GALNTL6: variants seen among roughly 807,000 people sequenced by gnomAD.
GALNTL6 encodes polypeptide N-acetylgalactosaminyltransferase like 6, also known as polypeptide N-acetylgalactosaminyltransferase-like 6.
Under a neutral mutation model 73.7 loss-of-function variants are expected in GALNTL6, and 46 were observed. The observed-to-expected ratio is 0.62, with a 90% CI of 0.49 to 0.80. The LOEUF is 0.80. GALNTL6 is among the 30% of genes least tolerant of loss of function. The probability of loss-of-function intolerance (pLI) is 0.00; values close to 1 mark genes in which losing one functional copy is unlikely to be tolerated. For synonymous variants in GALNTL6, 259 were observed against 263.7 expected, an observed-to-expected ratio of 0.98 and a Z score of 0.17; for missense variants, 604 against 755.0, an observed-to-expected ratio of 0.80 and a Z score of 2.34.
chr4:172,641,391 C>T (rs962011415), intron 5 of GALNTL6, among the ~76,000 whole-genome samples: 1 of 152,088 alleles, frequency 6.6e-6, no homozygotes, highest in South Asian at 2.1e-4. Context: ...TCCCTATCCC[C>T]TTAACGCTCT....
chr4:172,049,994 A>G (rs752533338), intron 2 of GALNTL6, among the ~76,000 whole-genome samples: 8 of 59,850 alleles, frequency 1.3e-4, no homozygotes, highest in Non-Finnish European at 2.7e-4. Context: ...AAAAAGAAAA[A>G]GAAGAAGGAA....
At chr4:172,453,226 A>G (rs1319179472) in intron 5 of GALNTL6, among the ~76,000 whole-genome samples, 1 of 152,130 alleles carries the variant, frequency 6.6e-6, no homozygotes, top group Non-Finnish European at 1.5e-5. Flanking sequence ...AAGATGTGCA[A>G]TGTGAAGCCA....
intron 5 of GALNTL6, among the ~76,000 whole-genome samples, chr4:172,688,050 T>C (rs889496323): frequency 5.3e-5 from 8 of 152,216 alleles, no homozygotes; most frequent in Non-Finnish European, 1.2e-4. Context: ...ATTTCCTAGA[T>C]ACCTTTTGTC....
intron 2 of GALNTL6, among the ~76,000 whole-genome samples, chr4:171,911,936 G>GA (rs1360372208): frequency 6.6e-6 from 1 of 152,102 alleles, no homozygotes; most frequent in African/African-American, 2.4e-5. Context: ...TGGAGAAAAT[G>GA]AATGTCTCCT....
chr4:172,741,672 T>C (rs994905637), intron 5 of GALNTL6, among the ~76,000 whole-genome samples: 2 of 151,854 alleles, frequency 1.3e-5, no homozygotes, highest in Non-Finnish European at 2.9e-5. Flanking sequence ...AGAATATATA[T>C]AGATATAAGA....
intron 7 of GALNTL6, among the ~76,000 whole-genome samples, chr4:172,854,535 G>A (rs887738933): frequency 2.0e-5 from 3 of 152,010 alleles, no homozygotes; most frequent in African/African-American, 4.8e-5. Context: ...ATGCTCTCCT[G>A]ACAGAGACAG....
chr4:172,764,137 T>A (rs1165345820), intron 5 of GALNTL6, among the ~76,000 whole-genome samples: 1 of 151,484 alleles, frequency 6.6e-6, no homozygotes, highest in African/African-American at 2.4e-5. Flanking sequence ...TTTGTATTTT[T>A]AGTAGAGATG....
At chr4:172,796,079 T>A (rs1201169156) in intron 5 of GALNTL6, among the ~76,000 whole-genome samples, 1 of 151,668 alleles carries the variant, frequency 6.6e-6, no homozygotes, top group East Asian at 1.9e-4. Context: ...CTTTGAGTGA[T>A]AAAACTCAGT....
chr4:172,816,479 A>G (rs913732512), intron 7 of GALNTL6, among the ~76,000 whole-genome samples: 8 of 152,150 alleles, frequency 5.3e-5, no homozygotes, highest in Non-Finnish European at 8.8e-5. Context: ...ATGTTATACT[A>G]ATGGGTAGGT....
rs75588570 is a variant in GALNTL6 at position 172,522,666 on chromosome 4, C to A, written c.553+173977C>A. On this transcript the variant is annotated intron_variant, in intron 5 of 12. Transcript: ENST00000506823. The stretch of plus-strand genomic sequence containing the variant: ...GCCTGGGTAACGAGTGAAACTCAGT[C>A]CCCCCCCCCCCCAAAAAAAAAGTGT... Among the ~76,000 whole-genome samples the A allele has an allele frequency of 5.0e-3, 59 of 11,822 alleles. 1 individual carries two copies. Among genetic ancestry groups the A allele is most frequent in the African/African-American group, 0.013 (53 of 4,030 alleles). The allele number at this position is 11,822 out of a possible 152,430, so 7.8% of individuals were successfully genotyped here. A position where few individuals can be genotyped will look rare whatever the true frequency, so the allele number is the denominator to read the frequency against.
intron 7 of GALNTL6, among the ~76,000 whole-genome samples, chr4:172,869,738 C>T (rs1471322534): frequency 6.6e-6 from 1 of 152,188 alleles, no homozygotes; most frequent in African/African-American, 2.4e-5. Flanking sequence ...TACCCTCACC[C>T]TGATTTCTCT....
chr4:172,802,331 G>A (rs1740697545), intron 5 of GALNTL6, among the ~76,000 whole-genome samples: 2 of 152,056 alleles, frequency 1.3e-5, no homozygotes, highest in Admixed American at 6.6e-5. Context: ...GTTTTGCCTA[G>A]GCCTTTCTTG....
intron 5 of GALNTL6, among the ~76,000 whole-genome samples, chr4:172,364,831 G>C (rs1304560274): frequency 1.3e-5 from 2 of 152,158 alleles, no homozygotes; most frequent in African/African-American, 4.8e-5. Context: ...TAGATAAATT[G>C]ATGGATAGAT....
At chr4:172,545,936 T>C (rs1399300432) in intron 5 of GALNTL6, among the ~76,000 whole-genome samples, 1 of 152,210 alleles carries the variant, frequency 6.6e-6, no homozygotes, top group Non-Finnish European at 1.5e-5. Flanking sequence ...ATAGGCTTAT[T>C]ACAATAGCAA....
intron 2 of GALNTL6, among the ~76,000 whole-genome samples, chr4:171,988,621 A>G (rs11737811): frequency 0.92 from 139,653 of 152,172 alleles, 64,609 homozygotes; most frequent in East Asian, 1. Flanking sequence ...TTGATAAGGC[A>G]CAGATTCTGA....
Position 172,342,819 on chromosome 4 carries a change from C to T in GALNTL6, c.387-5704C>T, listed in dbSNP as rs970282716. ...ATTCCTTCTGTACAATATGAGACTG[C>T]ACATTCTAGGCCCCTGGGCTGCATG... is the stretch of plus-strand genomic sequence containing the variant. On this transcript the variant is annotated intron_variant, in intron 4 of 12. Transcript: ENST00000506823. Among the ~76,000 whole-genome samples, 17 of 152,310 alleles carry T rather than the reference C, an allele frequency of 1.1e-4. No individual in the cohort carries two copies. In the East Asian group the frequency reaches 2.9e-3, roughly 26 times the overall value.
chr4:172,283,620 A>G (rs1275389948), intron 3 of GALNTL6, among the ~76,000 whole-genome samples: 1 of 152,112 alleles, frequency 6.6e-6, no homozygotes, highest in African/African-American at 2.4e-5. Flanking sequence ...TTTATTTGCT[A>G]TGCTCAAAAG....
At chr4:171,938,855 G>T (rs571350240) in intron 2 of GALNTL6, among the ~76,000 whole-genome samples, 5 of 152,158 alleles carry the variant, frequency 3.3e-5, no homozygotes, top group African/African-American at 1.2e-4. Flanking sequence ...ATGGCTTATG[G>T]GTGTGTAGGC....
intron 5 of GALNTL6, among the ~76,000 whole-genome samples, chr4:172,380,641 T>C (rs1415619357): frequency 6.6e-6 from 1 of 152,232 alleles, no homozygotes; most frequent in Non-Finnish European, 1.5e-5. Context: ...ATTTTAATGG[T>C]ATTTCAGAAC....
Sources: gnomAD v4.1 joint callset for allele counts (sites outside exome capture counted in the v4.1 genomes callset) on GRCh38, gnomAD v4.1.1 for gene constraint, MANE v1.5 for transcripts, NCBI Gene and HGNC (gene_info 2026-07-23, HGNC 2026-07-21) for gene names.